PERP: variants seen among roughly 807,000 people sequenced by gnomAD.
PERP encodes p53 apoptosis effector related to PMP-22.
PERP carries 11 observed loss-of-function variants against 20.3 expected under a neutral mutation model. The ratio of observed to expected loss-of-function variants is 0.54; its 90% confidence interval spans 0.34 to 0.90. PERP has a LOEUF of 0.90. Among genes scored for constraint, PERP ranks in the 40% least tolerant of loss-of-function variants. The pLI is 0.02. For missense variants in PERP, 224 were observed against 249.4 expected (o/e 0.90, Z 0.69); for synonymous variants, 101 against 102.0 (o/e 0.99, Z 0.06).
intron 1 of PERP, among the ~76,000 whole-genome samples, chr6:138,099,639 A>T (rs1775743698): frequency 6.6e-6 from 1 of 152,238 alleles, no homozygotes. Flanking sequence ...TATGTATGAT[A>T]TTTCTGTAAA....
intron 1 of PERP, among the ~76,000 whole-genome samples, chr6:138,104,724 G>A (rs962090534): frequency 3.9e-5 from 6 of 152,158 alleles, no homozygotes; most frequent in Non-Finnish European, 7.3e-5. Context: ...TTCTCTATAC[G>A]GAGATCTCAT....
At chr6:138,101,888 T>C (rs1044355524) in intron 1 of PERP, among the ~76,000 whole-genome samples, 7 of 152,196 alleles carry the variant, frequency 4.6e-5, no homozygotes, top group African/African-American at 1.7e-4. Flanking sequence ...GCTTACCTCC[T>C]CCGGGAAGTA....
At chr6:138,099,108 C>T (rs1226539783) in intron 1 of PERP, among the ~76,000 whole-genome samples, 3 of 152,152 alleles carry the variant, frequency 2.0e-5, no homozygotes, top group South Asian at 2.1e-4. Flanking sequence ...GCAAAATAAG[C>T]AGTAGTGCTC....
At position 138,096,373 on chromosome 6, in the gene PERP, T is replaced by G. The variant is rs772859246; in HGVS notation, c.336A>C (p.Gly112=). The part of the protein sequence containing the change: ...PQMLVFLRVI[G]GLLALAAVFQ... ...TCTTACCAGCCAAGGCAAGGAGACCTCCAATCACTCTCAGGAAGACAAGCA... is the reference window on the plus strand; with the variant it reads ...TCTTACCAGCCAAGGCAAGGAGACCGCCAATCACTCTCAGGAAGACAAGCA... Residue 112 remains glycine (G), a synonymous_variant, in exon 2 of 3, where the codon GGA becomes GGC. Transcript: ENST00000421351. The G allele has an allele frequency of 6.2e-7, 1 of 1,613,846 alleles. No individual in the cohort carries two copies. Among genetic ancestry groups the G allele is most frequent in the Non-Finnish European group, 8.5e-7 (1 of 1,179,950 alleles).
At chr6:138,096,279 C>T (rs1474360509) in intron 2 of PERP, 75 bp downstream of exon 2, 5 of 1,542,456 alleles carry the variant, frequency 3.2e-6, no homozygotes, top group Non-Finnish European at 4.4e-6. Flanking sequence ...CACGGGTCTT[C>T]TTTGTGGAAT....
chr6:138,098,906 T>G (rs375677763), intron 1 of PERP, among the ~76,000 whole-genome samples: 7 of 152,176 alleles, frequency 4.6e-5, no homozygotes, highest in Non-Finnish European at 7.3e-5. Flanking sequence ...ACTTGAGAGA[T>G]AAGGTTAAAA....
chr6:138,092,268 G>C lies in PERP; in HGVS notation c.356C>G (p.Ala119Gly). 6.2e-7 allele frequency: 1 copy of C among 1,612,520 alleles called. No homozygotes were observed. The highest frequency in any genetic ancestry group is 8.5e-7 in the Non-Finnish European group (1 of 1,178,646). Reference sequence around the variant, plus strand: ...TACCAGGGAGATGATCTGGAACACAGCTAAAGGGAAGAAAAAAATCCCAGG... The same window carrying C: ...TACCAGGGAGATGATCTGGAACACACCTAAAGGGAAGAAAAAAATCCCAGG... The part of the protein sequence containing the change: ...RVIGGLLALA[A>G]VFQIISLVIY... Residue 119 changes from alanine (A) to glycine (G), a missense_variant and splice_region_variant, in exon 3 of 3, where the codon GCT (alanine) becomes GGT (glycine). Physicochemically the swap from Ala to Gly is moderately conservative, Grantham distance 60. Transcript: ENST00000421351.
chr6:138,098,047 C>T (rs1393846565), intron 1 of PERP, among the ~76,000 whole-genome samples: 3 of 152,062 alleles, frequency 2.0e-5, no homozygotes, highest in Non-Finnish European at 2.9e-5. Flanking sequence ...TGGTATGATG[C>T]GGTTTGTCAT....
intron 1 of PERP, among the ~76,000 whole-genome samples, chr6:138,106,715 C>A (rs1013040440): frequency 2.0e-5 from 3 of 152,092 alleles, no homozygotes; most frequent in Non-Finnish European, 4.4e-5. Context: ...TTAGGGAAGG[C>A]ACGTTATTTC....
intron 2 of PERP, among the ~76,000 whole-genome samples, chr6:138,092,713 G>A (rs1212119012): frequency 6.6e-6 from 1 of 152,028 alleles, no homozygotes; most frequent in African/African-American, 2.4e-5. Context: ...ATACACACAG[G>A]CATGCACACA....
In PERP at chr6:138,101,635, A is replaced by G. The variant is rs191092832; in HGVS notation, c.215-5141T>C. ...AGAATACAGGATTCATCTGTCAATA[A>G]TACCAAAGATTCTGTATCATCCAAG... is the stretch of plus-strand genomic sequence containing the variant. On this transcript the variant is annotated intron_variant, in intron 1 of 2. Coordinates refer to ENST00000421351, the MANE Select transcript of PERP (RefSeq NM_022121.5). Among the ~76,000 whole-genome samples the G allele has an allele frequency of 1.4e-3, 206 of 152,292 alleles. 1 individual carries two copies. Among genetic ancestry groups the G allele is most frequent in the African/African-American group, 4.8e-3 (201 of 41,548 alleles).
rs1003464886 is a variant in PERP at position 138,103,341 on chromosome 6, G to A, written c.214+3786C>T. ...ATTTTTTTGTATTTTTAGTAGAGAC[G>A]GGGTTTTACCATGTTGGCCAGGCTG... On this transcript the variant is annotated intron_variant, in intron 1 of 2. Transcript: ENST00000421351. Among the ~76,000 whole-genome samples the A allele has an allele frequency of 5.3e-5, 8 of 151,948 alleles. No individual in the cohort carries two copies. In the East Asian group the frequency reaches 7.9e-4, roughly 15 times the overall value.
intron 1 of PERP, among the ~76,000 whole-genome samples, chr6:138,105,824 T>C (rs1190785818): frequency 6.6e-6 from 1 of 152,242 alleles, no homozygotes; most frequent in African/African-American, 2.4e-5. Flanking sequence ...ATTAATTCGC[T>C]TTAAAAACCT....
intron 1 of PERP, among the ~76,000 whole-genome samples, chr6:138,104,545 CTG>C (rs1371047335): frequency 2.0e-5 from 3 of 152,112 alleles, no homozygotes; most frequent in Non-Finnish European, 4.4e-5. Context: ...CAGGAATAAC[CTG>C]TGTCTTTACT....
chr6:138,092,852 G>A (rs769538471), intron 2 of PERP, among the ~76,000 whole-genome samples: 3 of 152,044 alleles, frequency 2.0e-5, no homozygotes, highest in African/African-American at 7.2e-5. Flanking sequence ...TGCAGAGGAC[G>A]CGGAAATCTG....
At chr6:138,092,744 A>G (rs972852929) in intron 2 of PERP, among the ~76,000 whole-genome samples, 4 of 152,234 alleles carry the variant, frequency 2.6e-5, no homozygotes, top group African/African-American at 4.8e-5. Context: ...TTGATATTCA[A>G]TAACACATCA....
rs554199112 is a variant in PERP, at chr6:138,092,108, G to A, written c.516C>T (p.Cys172=). Residue 172 remains cysteine (C), a synonymous_variant, in exon 3 of 3, where the codon TGC becomes TGT. Transcript: ENST00000421351. ...GAAGGTCATCTTCGTAGTTGGGGAGGCAGCAGAAGAAGAAGGCACAGCCAA... is the reference window on the plus strand; with the variant it reads ...GAAGGTCATCTTCGTAGTTGGGGAGACAGCAGAAGAAGAAGGCACAGCCAA... ...ILIGCAFFFC[C]LPNYEDDLLG... The A allele has an allele frequency of 1.2e-5, 19 of 1,614,092 alleles. No homozygotes were observed. The highest frequency in any genetic ancestry group is 1.5e-5 in the Non-Finnish European group (18 of 1,179,998).
At chr6:138,103,063 C>T (rs1339484465) in intron 1 of PERP, among the ~76,000 whole-genome samples, 1 of 150,482 alleles carries the variant, frequency 6.6e-6, no homozygotes, top group Non-Finnish European at 1.5e-5. Context: ...TGTGCCACTG[C>T]ACTCCAGCCT....
intron 1 of PERP, among the ~76,000 whole-genome samples, chr6:138,096,930 T>C (rs1387533497): frequency 6.6e-6 from 1 of 152,242 alleles, no homozygotes; most frequent in Non-Finnish European, 1.5e-5. Context: ...TTAAGGGATC[T>C]TTGTTTCATA....
Sources: allele counts gnomAD v4.1 joint callset (sites outside exome capture counted in the v4.1 genomes callset), GRCh38; gene constraint gnomAD v4.1.1; transcripts MANE v1.5; gene names NCBI Gene and HGNC (gene_info 2026-07-23, HGNC 2026-07-21).